The following ATP9B variants were observed in gnomAD, a reference collection of about 807,000 sequenced individuals.
ATP9B encodes ATPase phospholipid transporting 9B, also known as probable phospholipid-transporting ATPase IIB.
Under a neutral mutation model 146.1 loss-of-function variants are expected in ATP9B, and 110 were observed. The ratio of observed to expected loss-of-function variants is 0.75; its 90% CI spans 0.65 to 0.88. The LOEUF (loss-of-function observed/expected upper bound fraction) is 0.88. Among genes scored for constraint, ATP9B ranks in the 40% least tolerant of loss-of-function variants. ATP9B has a pLI of 0.00. For synonymous variants in ATP9B, 604 were observed against 569.7 expected, an observed-to-expected ratio of 1.06 and a Z score of -0.86; for missense variants, 1,499 against 1,496.4, an observed-to-expected ratio of 1.00 and a Z score of -0.03.
At chr18:79,366,387 C>T (rs1325170205) in intron 26 of ATP9B, among the ~76,000 whole-genome samples, 1 of 152,164 alleles carries the variant, frequency 6.6e-6, no homozygotes, top group African/African-American at 2.4e-5. Context: ...TTTTCAGTGG[C>T]CTTGGGAAAG....
intron 5 of ATP9B, among the ~76,000 whole-genome samples, chr18:79,137,173 TG>T (rs1233474236): frequency 6.6e-6 from 1 of 152,232 alleles, no homozygotes; most frequent in Non-Finnish European, 1.5e-5. Flanking sequence ...GTATCCTTCA[TG>T]TCTCTCACTT....
intron 15 of ATP9B, among the ~76,000 whole-genome samples, chr18:79,309,660 C>A (rs1044373495): frequency 2.0e-4 from 30 of 150,120 alleles, no homozygotes; most frequent in African/African-American, 7.4e-4. Context: ...GGACTGATCC[C>A]CAGCAGGTAG....
intron 11 of ATP9B, among the ~76,000 whole-genome samples, chr18:79,236,916 A>G (rs374378843): frequency 3.4e-3 from 156 of 46,100 alleles, no homozygotes; most frequent in Middle Eastern, 0.023. Context: ...CTGTGTACAC[A>G]GTCCGTGCAC....
intron 11 of ATP9B, among the ~76,000 whole-genome samples, chr18:79,233,770 T>A (rs1428386485): frequency 6.6e-6 from 1 of 152,218 alleles, no homozygotes; most frequent in African/African-American, 2.4e-5. Flanking sequence ...CAAATTTAAC[T>A]ACTAATCACC....
chr18:79,142,790 A>G (rs1041939339), intron 5 of ATP9B, among the ~76,000 whole-genome samples: 1 of 152,226 alleles, frequency 6.6e-6, no homozygotes, highest in Admixed American at 6.5e-5. Context: ...GATATATCCA[A>G]ATCTTTAGGA....
chr18:79,236,759 C>A (rs929177102), intron 11 of ATP9B, among the ~76,000 whole-genome samples: 1 of 148,070 alleles, frequency 6.8e-6, no homozygotes, highest in Admixed American at 6.7e-5. Flanking sequence ...TGTGCACGGT[C>A]CGTGCACGAG....
At chr18:79,128,210 C>T (rs2094320441) in intron 5 of ATP9B, among the ~76,000 whole-genome samples, 1 of 151,938 alleles carries the variant, frequency 6.6e-6, no homozygotes, top group South Asian at 2.1e-4. Flanking sequence ...CAGGTGCCTG[C>T]ACTGCGCCCG....
intron 13 of ATP9B, among the ~76,000 whole-genome samples, chr18:79,281,896 TGA>T (rs1361580448): frequency 1.3e-5 from 2 of 152,218 alleles, no homozygotes; most frequent in Non-Finnish European, 2.9e-5. Flanking sequence ...CAAATCAAAT[TGA>T]ACACCTTCTG....
intron 12 of ATP9B, among the ~76,000 whole-genome samples, chr18:79,274,170 G>A (rs956475819): frequency 1.3e-5 from 2 of 151,986 alleles, no homozygotes; most frequent in Non-Finnish European, 2.9e-5. Flanking sequence ...TATATATTGA[G>A]GGGGGGTGAC....
At chr18:79,177,949 T>C (rs973935263) in intron 8 of ATP9B, among the ~76,000 whole-genome samples, 1 of 152,210 alleles carries the variant, frequency 6.6e-6, no homozygotes, top group Non-Finnish European at 1.5e-5. Flanking sequence ...ATGTTTAGAG[T>C]TATTACAACT....
rs371922802 is a variant in ATP9B at position 79,372,656 on chromosome 18, G to A, written c.3013-169G>A. On this transcript the variant is annotated intron_variant, in intron 26 of 29. Transcript: ENST00000426216. ...GACCCAGGCAGCTTCTTCAGGATTC[G>A]GGTGTCAGGAAAAGGCGCCCGAAAT... The A allele has an allele frequency of 6.7e-5, 46 of 682,586 alleles. 1 individual carries two copies. Among genetic ancestry groups the A allele is most frequent in the African/African-American group, 4.1e-4 (23 of 56,548 alleles). 42.3% of individuals were successfully genotyped at this position (682,586 alleles called of 1,614,324 possible). A position where few individuals can be genotyped will look rare whatever the true frequency, so the allele number is the denominator to read the frequency against.
At chr18:79,089,207 A>G (rs1283965061) in intron 1 of ATP9B, among the ~76,000 whole-genome samples, 1 of 152,148 alleles carries the variant, frequency 6.6e-6, no homozygotes, top group Non-Finnish European at 1.5e-5. Flanking sequence ...AATTACCACT[A>G]AAGAACTTAT....
At chr18:79,207,384 G>A (rs756341456) in intron 10 of ATP9B, among the ~76,000 whole-genome samples, 2 of 152,344 alleles carry the variant, frequency 1.3e-5, no homozygotes, top group African/African-American at 4.8e-5. Flanking sequence ...TCAGTCATCC[G>A]ACAAGGGTTG....
chr18:79,336,586 GC>G, intron 17 of ATP9B, 41 bp from the exon 18 acceptor site: 1 of 1,589,994 alleles, frequency 6.3e-7, no homozygotes, highest in Non-Finnish European at 8.6e-7. Flanking sequence ...GGCCACAGGG[GC>G]TCTGCAGGGC....
rs2071628138 is a variant in ATP9B at position 79,070,709 on chromosome 18, T to G, written c.119+1180T>G. On this transcript the variant is annotated intron_variant, in intron 1 of 29. Transcript: ENST00000426216. ...GCACTGTCATGTGGTGCACGCACAT[T>G]CAAGATTTTTTGTCATCTCGGTGGA... 2.0e-5 allele frequency among the ~76,000 whole-genome samples: 3 copies of G among 152,312 alleles called. No individual in the cohort carries two copies. The South Asian group carries it at 6.2e-4, about 32-fold the overall frequency.
chr18:79,197,760 A>C (rs2095430023), intron 9 of ATP9B, among the ~76,000 whole-genome samples: 1 of 152,222 alleles, frequency 6.6e-6, no homozygotes, highest in African/African-American at 2.4e-5. Context: ...GAAAACAAAG[A>C]GCAGCAAAGA....
At chr18:79,142,072 A>G (rs995419819) in intron 5 of ATP9B, among the ~76,000 whole-genome samples, 5 of 152,184 alleles carry the variant, frequency 3.3e-5, no homozygotes, top group Non-Finnish European at 5.9e-5. Context: ...TGGTCATACT[A>G]TTTTGTTACT....
At chr18:79,098,938 T>C (rs550094094) in intron 2 of ATP9B, among the ~76,000 whole-genome samples, 1 of 152,334 alleles carries the variant, frequency 6.6e-6, no homozygotes, top group South Asian at 2.1e-4. Context: ...TTGTGTTTCC[T>C]CGAAGTTAAA....
At position 79,122,618 on chromosome 18, in the gene ATP9B, G is replaced by A. The variant is rs1225648789; in HGVS notation, c.559-3649G>A. 4.6e-5 allele frequency among the ~76,000 whole-genome samples: 7 copies of A among 152,178 alleles called. No individual in the cohort carries two copies. The East Asian group carries it at 1.4e-3, about 29-fold the overall frequency. On this transcript the variant is annotated intron_variant, in intron 4 of 29. Coordinates refer to ENST00000426216, the MANE Select transcript of ATP9B (RefSeq NM_198531.5). ...TCCTATAATTTTTCCTTTAAGATAA[G>A]TTTCTAGAAGTGAAACTGCTTGTTT... is the stretch of plus-strand genomic sequence containing the variant.
Sources: gnomAD v4.1 joint callset for allele counts (sites outside exome capture counted in the v4.1 genomes callset) on GRCh38, gnomAD v4.1.1 for gene constraint, MANE v1.5 for transcripts, NCBI Gene and HGNC (gene_info 2026-07-23, HGNC 2026-07-21) for gene names.